The following MKNK2 variants were observed in gnomAD, a reference collection of about 807,000 sequenced individuals.
The protein encoded by MKNK2 is MAP kinase-interacting serine/threonine-protein kinase 2.
Under a neutral mutation model 55.0 loss-of-function variants are expected in MKNK2, and 54 were observed. The observed-to-expected ratio is 0.98, with a 90% CI of 0.79 to 1.23. The LOEUF (loss-of-function observed/expected upper bound fraction) is 1.23. Ranked by LOEUF, MKNK2 falls within the 50% of genes most tolerant of loss-of-function variation. The pLI is 0.00. For synonymous variants in MKNK2, 323 were observed against 256.0 expected (o/e 1.26, Z -2.50); for missense variants, 685 against 632.1 (o/e 1.08, Z -0.90).
At position 2,038,535 on chromosome 19, in the gene MKNK2, G is replaced by A. The variant is rs1022546274; in HGVS notation, c.*1078C>T. The A allele has an allele frequency of 1.5e-5, 15 of 985,562 alleles. No homozygotes were observed. The highest frequency in any genetic ancestry group is 1.7e-5 in the Non-Finnish European group (14 of 830,072). 61.1% of individuals were successfully genotyped at this position (985,562 alleles called of 1,614,324 possible). A position where few individuals can be genotyped will look rare whatever the true frequency, so the allele number is the denominator to read the frequency against. ...GGGTGCCCGAAGGGAGGCCGAGGCC[G>A]CAGCCGTTTTCCTGAAGGTGGCAGA... On this transcript the variant is annotated 3_prime_UTR_variant, in exon 14 of 14. Coordinates refer to ENST00000250896, the MANE Select transcript of MKNK2 (RefSeq NM_199054.3).
chr19:2,037,993 C>A lies in MKNK2; in HGVS notation c.*1620G>T. 2.9e-6 allele frequency: 4 copies of A among 1,366,868 alleles called. No homozygotes were observed. The highest frequency in any genetic ancestry group is 2.8e-4 in the Middle Eastern group (1 of 3,576). 84.7% of individuals were successfully genotyped at this position (1,366,868 alleles called of 1,614,324 possible). On this transcript the variant is annotated 3_prime_UTR_variant, in exon 14 of 14. Coordinates refer to ENST00000250896, the MANE Select transcript of MKNK2 (RefSeq NM_199054.3). ...TACGAAACATGGAATCACTGACAGG[C>A]GAGAAGTGATGGGGGAAAGGGGTGG...
In MKNK2 at chr19:2,038,197, G is replaced by A. The variant is rs774741920; in HGVS notation, c.*1416C>T. 185 of 1,006,298 alleles carry A rather than the reference G, an allele frequency of 1.8e-4. No individual in the cohort carries two copies. The highest frequency in any genetic ancestry group is 5.1e-4 in the South Asian group (11 of 21,720). The allele number at this position is 1,006,298 out of a possible 1,614,324, so 62.3% of individuals were successfully genotyped here. ...CGAGGCCCCCACCCCCAGGCCCCCC[G>A]ACATTCAAGTATTCTTCAAGAACAG... On this transcript the variant is annotated 3_prime_UTR_variant, in exon 14 of 14. Coordinates refer to ENST00000250896, the MANE Select transcript of MKNK2 (RefSeq NM_199054.3).
In MKNK2 at chr19:2,050,757, G is replaced by T. The variant is rs200391891; in HGVS notation, c.51+44C>A. ...CCGCGCCCCCCACGCCGGCCATTCCGGTGGTCCAGCCCGGAGCGCCCCCAA... is the reference window on the plus strand; with the variant it reads ...CCGCGCCCCCCACGCCGGCCATTCCTGTGGTCCAGCCCGGAGCGCCCCCAA... On this transcript the variant is annotated intron_variant, in intron 2 of 13. Transcript: ENST00000250896. 22 of 1,517,958 alleles carry T rather than the reference G, an allele frequency of 1.4e-5. No individual in the cohort carries two copies. In the East Asian group the frequency reaches 5.3e-4, roughly 36 times the overall value. The allele number at this position is 1,517,958 out of a possible 1,614,324, so 94.0% of individuals were successfully genotyped here. A position where few individuals can be genotyped will look rare whatever the true frequency, so the allele number is the denominator to read the frequency against.
In MKNK2 at chr19:2,046,298, G is replaced by C; in HGVS notation, c.242-15C>G. On this transcript the variant is annotated splice_polypyrimidine_tract_variant and intron_variant, in intron 4 of 13. Transcript: ENST00000250896. ...CTGGTAGACGTCTGCCGGGCAGCGG[G>C]GCGGGCGTGAGAGGGACCCTGGCTT... 1 of 1,603,346 alleles carries C rather than the reference G, an allele frequency of 6.2e-7. No homozygotes were observed.
In MKNK2 at chr19:2,039,696, G is replaced by GTGGAGACAGC; in HGVS notation, c.1305_1314dup (p.Pro439AlafsTer40). On this transcript the variant is annotated frameshift_variant, in exon 14 of 14. Coordinates refer to ENST00000250896, the MANE Select transcript of MKNK2 (RefSeq NM_199054.3). LOFTEE classifies it high-confidence loss of function. ...CGCTGCGCCAGCTTGGACTGGGAGG[G>GTGGAGACAGC]TGGAGACAGCTGCAGGCAGCGTGAG... 1 of 1,613,068 alleles carries GTGGAGACAGC rather than the reference G, an allele frequency of 6.2e-7. No homozygotes were observed. The highest frequency in any genetic ancestry group is 1.1e-5 in the South Asian group (1 of 91,084).
rs776233613 is a variant in MKNK2 at position 2,042,062 on chromosome 19, C to T, written c.751-28G>A. 3.5e-5 allele frequency: 51 copies of T among 1,457,880 alleles called. No individual in the cohort carries two copies. In the African/African-American group the frequency reaches 6.6e-4, roughly 19 times the overall value. 90.3% of individuals were successfully genotyped at this position (1,457,880 alleles called of 1,614,324 possible). On this transcript the variant is annotated intron_variant, in intron 10 of 13. Transcript: ENST00000250896. The stretch of plus-strand genomic sequence containing the variant: ...GCGGGCGGGGGAGGGGCGCGTCAGC[C>T]GGGGTTTCCCAGCATTACGTGGGAA...
rs770042483 is a variant in MKNK2, at chr19:2,041,082, C to T, written c.1068G>A (p.Arg356=). 2 of 1,614,062 alleles carry T rather than the reference C, an allele frequency of 1.2e-6. No homozygotes were observed. The highest frequency in any genetic ancestry group is 2.2e-5 in the South Asian group (2 of 91,092). ...SKLLVRDAKQ[R]LSAAQVLQHP... ...GCTGCAGGACTTGGGCGGCACTCAGCCTCTGCTTGGCGTCACGGACCAGCA... is the reference window on the plus strand; with the variant it reads ...GCTGCAGGACTTGGGCGGCACTCAGTCTCTGCTTGGCGTCACGGACCAGCA... The change falls in exon 12 of 14, where the codon AGG becomes AGA. Residue 356 remains arginine, a synonymous_variant. Coordinates refer to ENST00000250896, the MANE Select transcript of MKNK2 (RefSeq NM_199054.3).
chr19:2,040,031 C>T (rs2016841587), intron 13 of MKNK2, 103 bp downstream of exon 13: 2 of 1,423,698 alleles, frequency 1.4e-6, no homozygotes, highest in African/African-American at 2.8e-5. Context: ...GGCTTGCCTG[C>T]CTCCCCGACC....
rs868825213 is a variant in MKNK2 at position 2,042,650 on chromosome 19, C to A, written c.611G>T (p.Arg204Met). The change falls in exon 9 of 14, where the codon AGG becomes ATG. Residue 204 changes from arginine (R) to methionine (M), a missense_variant. Arg to Met is a moderately conservative substitution (Grantham distance 91, BLOSUM62 -1). Coordinates refer to ENST00000250896, the MANE Select transcript of MKNK2 (RefSeq NM_199054.3). Reference protein sequence around the residue: ...DFLHNKGIAHRDLKPENILCE... With the variant: ...DFLHNKGIAHMDLKPENILCE... ...GAGGATGTTTTCCGGCTTTAGGTCC[C>A]TGTGGGCGATGCCTGGGGGAGAAGC... 6.4e-7 allele frequency: 1 copy of A among 1,562,674 alleles called. No individual in the cohort carries two copies. The highest frequency in any genetic ancestry group is 1.9e-5 in the Admixed American group (1 of 51,652).
chr19:2,037,754 A>G lies in MKNK2; in HGVS notation c.*1859T>C, dbSNP rs1176268068. Reference sequence around the variant, plus strand: ...TCCAGGATCTTCACTCATTCACAGTAACGGTTCTGACCAGTCCTCCAGGTC... The same window carrying G: ...TCCAGGATCTTCACTCATTCACAGTGACGGTTCTGACCAGTCCTCCAGGTC... On this transcript the variant is annotated 3_prime_UTR_variant, in exon 14 of 14. Transcript: ENST00000250896. 6 of 1,601,572 alleles carry G rather than the reference A, an allele frequency of 3.7e-6. No individual in the cohort carries two copies. In the South Asian group the frequency reaches 5.5e-5, roughly 15 times the overall value.
chr19:2,043,222 AG>A, intron 6 of MKNK2, 25 bp from the exon 7 acceptor site: 1 of 1,576,400 alleles, frequency 6.3e-7, no homozygotes, highest in Non-Finnish European at 8.7e-7. Flanking sequence ...GGGGCAGGAG[AG>A]GAGCTGAGGC....
At position 2,039,696 on chromosome 19, in the gene MKNK2, G is replaced by A. The variant is rs749884215; in HGVS notation, c.1315C>T (p.Pro439Ser). ...CGCTGCGCCAGCTTGGACTGGGAGG[G>A]TGGAGACAGCTGCAGGCAGCGTGAG... ...ATSRCLQLSP[P>S]SQSKLAQRRQ... The change falls in exon 14 of 14, where the codon CCC (proline) becomes TCC (serine). Residue 439 changes from proline to serine, a missense_variant. Transcript: ENST00000250896. The A allele has an allele frequency of 5.0e-6, 8 of 1,613,068 alleles. No individual in the cohort carries two copies. The South Asian group carries it at 5.5e-5, about 11-fold the overall frequency.
intron 2 of MKNK2, 111 bp from the exon 3 acceptor site, chr19:2,046,802 G>T: frequency 1.2e-6 from 1 of 832,796 alleles, no homozygotes. Flanking sequence ...CCTGCGCTGA[G>T]CATTACGGAA....
intron 2 of MKNK2, among the ~76,000 whole-genome samples, chr19:2,046,963 T>A (rs1410715965): frequency 1.3e-5 from 2 of 152,196 alleles, no homozygotes; most frequent in African/African-American, 4.8e-5. Flanking sequence ...ATTTCTCTCT[T>A]TTTTAAATTT....
intron 12 of MKNK2, chr19:2,040,515 G>T: frequency 2.7e-6 from 1 of 363,956 alleles, no homozygotes; most frequent in Non-Finnish European, 5.0e-6. Flanking sequence ...TGGGTCTCTG[G>T]ATGCTTCTGC....
At chr19:2,042,257 G>C (rs565540648) in intron 10 of MKNK2, 170 bp downstream of exon 10, 5 of 743,268 alleles carry the variant, frequency 6.7e-6, no homozygotes, top group South Asian at 5.7e-5. Flanking sequence ...CGACGCGTTG[G>C]GGCGCCTGCT....
At chr19:2,039,992 G>T in intron 13 of MKNK2, 136 bp from the exon 14 acceptor site, 4 of 1,382,196 alleles carry the variant, frequency 2.9e-6, no homozygotes, top group Non-Finnish European at 3.0e-6. Context: ...GAGCACCAGG[G>T]CCCCACCGGG....
chr19:2,046,539 G>A (rs1196986115), intron 3 of MKNK2, 65 bp downstream of exon 3: 3 of 1,558,450 alleles, frequency 1.9e-6, no homozygotes, highest in African/African-American at 1.4e-5. Flanking sequence ...CCCCTGCAGG[G>A]GCTGGCCACT....
At chr19:2,049,371 G>A (rs1446301483) in intron 2 of MKNK2, among the ~76,000 whole-genome samples, 3 of 152,234 alleles carry the variant, frequency 2.0e-5, no homozygotes, top group African/African-American at 7.2e-5. Context: ...CATGGTGGGG[G>A]CTGTGGGGGG....
Sources: gnomAD v4.1 joint callset for allele counts (sites outside exome capture counted in the v4.1 genomes callset) on GRCh38, gnomAD v4.1.1 for gene constraint, MANE v1.5 for transcripts, NCBI Gene and HGNC (gene_info 2026-07-23, HGNC 2026-07-21) for gene names.